MPHOSPH8: variants seen among roughly 807,000 people sequenced by gnomAD.
The protein encoded by MPHOSPH8 is M-phase phosphoprotein, mpp.
A neutral mutation model predicts 87.3 loss-of-function variants in MPHOSPH8; 45 were observed. The ratio of observed to expected loss-of-function variants is 0.52; its 90% CI spans 0.41 to 0.66. The LOEUF (loss-of-function observed/expected upper bound fraction) is 0.66. Ranked by LOEUF, MPHOSPH8 falls within the 30% of genes least tolerant of loss-of-function variation. MPHOSPH8 has a pLI of 0.00. For missense variants in MPHOSPH8, 883 were observed against 1,020.2 expected, an observed-to-expected ratio of 0.87 and a Z score of 1.83; for synonymous variants, 366 against 376.9, an observed-to-expected ratio of 0.97 and a Z score of 0.33.
intron 2 of MPHOSPH8, among the ~76,000 whole-genome samples, chr13:19,645,466 G>A (rs1874516869): frequency 6.6e-6 from 1 of 152,082 alleles, no homozygotes; most frequent in Admixed American, 6.5e-5. Context: ...GGCAGTGCAG[G>A]GAAGACATTT....
intron 12 of MPHOSPH8, chr13:19,670,704 C>T (rs1276512953): frequency 2.8e-6 from 3 of 1,066,468 alleles, no homozygotes; most frequent in Non-Finnish European, 3.6e-6. Flanking sequence ...GCAAAATTTG[C>T]TAGATATAGA....
Position 19,663,062 on chromosome 13 carries a change from T to C in MPHOSPH8, c.1955T>C (p.Ile652Thr), listed in dbSNP as rs1433129295. 16 of 1,613,700 alleles carry C rather than the reference T, an allele frequency of 9.9e-6. No individual in the cohort carries two copies. The Admixed American group carries it at 2.2e-4, about 22-fold the overall frequency. Residue 652 changes from isoleucine to threonine, a missense_variant, in exon 9 of 14, where the codon ATT becomes ACT. Ile to Thr is a moderately conservative substitution (Grantham distance 89, BLOSUM62 -1). Transcript: ENST00000361479. Reference sequence around the variant, plus strand: ...TAGAACTTTTTAACAACAGTGGCTATTCTTTTGGAAGCAGGAGCTTTTGTA... The same window carrying C: ...TAGAACTTTTTAACAACAGTGGCTACTCTTTTGGAAGCAGGAGCTTTTGTA... Reference protein sequence around the residue: ...AEKNFLTTVAILLEAGAFVNV... With the variant: ...AEKNFLTTVATLLEAGAFVNV...
At chr13:19,654,675 G>A (rs1875052085) in intron 5 of MPHOSPH8, among the ~76,000 whole-genome samples, 2 of 152,166 alleles carry the variant, frequency 1.3e-5, no homozygotes, top group East Asian at 1.9e-4. Flanking sequence ...AAGGCCGGGC[G>A]CAGTGGCTCA....
In MPHOSPH8 at chr13:19,672,057, A is replaced by G. The variant is rs1157463689; in HGVS notation, c.*182A>G. ...AGCTGTGTCTGTGCCAGTATGCCGG[A>G]ATCTCAGTGCAGTGTCCAGACTGCG... On this transcript the variant is annotated 3_prime_UTR_variant, in exon 14 of 14. Transcript: ENST00000361479. The G allele has an allele frequency of 6.4e-6, 4 of 622,894 alleles. No individual in the cohort carries two copies. In the African/African-American group the frequency reaches 7.3e-5, roughly 11 times the overall value. The allele number at this position is 622,894 out of a possible 1,614,324, so 38.6% of individuals were successfully genotyped here.
intron 1 of MPHOSPH8, 115 bp downstream of exon 1, chr13:19,634,076 G>A (rs1281460552): frequency 3.7e-5 from 40 of 1,068,930 alleles, no homozygotes; most frequent in Non-Finnish European, 4.7e-5. Context: ...AGGAATGTGA[G>A]AGTTCAATGC....
intron 5 of MPHOSPH8, among the ~76,000 whole-genome samples, chr13:19,658,755 T>C (rs1875345164): frequency 6.6e-6 from 1 of 152,204 alleles, no homozygotes. Flanking sequence ...TATTTTACAA[T>C]GACAGCTTAC....
intron 1 of MPHOSPH8, among the ~76,000 whole-genome samples, chr13:19,637,911 C>A (rs1310267201): frequency 1.3e-5 from 2 of 151,716 alleles, no homozygotes; most frequent in Non-Finnish European, 2.9e-5. Flanking sequence ...ACCATCCTGG[C>A]TAACATGGTG....
At chr13:19,650,806 T>TA (rs1874805460) in intron 5 of MPHOSPH8, among the ~76,000 whole-genome samples, 1 of 152,320 alleles carries the variant, frequency 6.6e-6, no homozygotes, top group African/African-American at 2.4e-5. Flanking sequence ...GTATAATTTG[T>TA]GAATCTTGAG....
At chr13:19,657,563 TC>T in intron 5 of MPHOSPH8, among the ~76,000 whole-genome samples, 1 of 150,546 alleles carries the variant, frequency 6.6e-6, no homozygotes, top group East Asian at 1.9e-4. Context: ...CAAGACTCCG[TC>T]TCAAAAAAAA....
At chr13:19,652,585 G>A (rs766844921) in intron 5 of MPHOSPH8, among the ~76,000 whole-genome samples, 27 of 152,212 alleles carry the variant, frequency 1.8e-4, no homozygotes, top group Non-Finnish European at 3.8e-4. Flanking sequence ...AGACAAAACC[G>A]TTCATTCCTC....
At chr13:19,652,397 C>A (rs776335354) in intron 5 of MPHOSPH8, among the ~76,000 whole-genome samples, 15 of 152,124 alleles carry the variant, frequency 9.9e-5, no homozygotes, top group Middle Eastern at 3.2e-3. Context: ...TGCACTCTGG[C>A]CCAGATACTG....
intron 5 of MPHOSPH8, among the ~76,000 whole-genome samples, chr13:19,657,544 G>A (rs1467691679): frequency 6.6e-6 from 1 of 151,830 alleles, no homozygotes; most frequent in African/African-American, 2.4e-5. Context: ...CTCCAGCCTG[G>A]GGACAGAGCA....
At chr13:19,641,512 C>G (rs1874291042) in intron 1 of MPHOSPH8, among the ~76,000 whole-genome samples, 1 of 96,102 alleles carries the variant, frequency 1.0e-5, no homozygotes, top group Non-Finnish European at 1.9e-5. Flanking sequence ...TTTTTTGAGA[C>G]AGAGTTTCAC....
chr13:19,661,250 CTAAATG>C lies in MPHOSPH8; in HGVS notation c.1792-446_1792-441del, dbSNP rs1384123765. 4.6e-5 allele frequency among the ~76,000 whole-genome samples: 7 copies of C among 152,280 alleles called. No individual in the cohort carries two copies. In the South Asian group the frequency reaches 8.3e-4, roughly 18 times the overall value. ...ATTTAGGTTTACACTATACTGTAGT[CTAAATG>C]TGAATAGCATTACATCTTTTAAAAA... is the stretch of plus-strand genomic sequence containing the variant. On this transcript the variant is annotated intron_variant, in intron 7 of 13. Transcript: ENST00000361479.
chr13:19,638,120 A>T (rs1294935501), intron 1 of MPHOSPH8, among the ~76,000 whole-genome samples: 1 of 151,554 alleles, frequency 6.6e-6, no homozygotes, highest in Non-Finnish European at 1.5e-5. Flanking sequence ...AAAAAGTTGT[A>T]TACAATAGTT....
chr13:19,650,070 T>C lies in MPHOSPH8; in HGVS notation c.1386T>C (p.Ser462=). Residue 462 remains serine (S), a synonymous_variant, in exon 5 of 14, where the codon TCT becomes TCC. Coordinates refer to ENST00000361479, the MANE Select transcript of MPHOSPH8 (RefSeq NM_017520.4). ...CTCCAGAAGAAAAAAATGATGTTTC[T>C]GAGAATAATCGGAAAAGGGAAGAAA... The part of the protein sequence containing the change: ...KLTPEEKNDV[S]ENNRKREEIP... The C allele has an allele frequency of 1.2e-6, 2 of 1,612,018 alleles. No homozygotes were observed. Among genetic ancestry groups the C allele is most frequent in the South Asian group, 2.2e-5 (2 of 90,696 alleles).
In MPHOSPH8 at chr13:19,672,967, G is replaced by C; in HGVS notation, c.*1092G>C. The C allele has an allele frequency of 2.5e-6, 1 of 400,502 alleles. No homozygotes were observed. The highest frequency in any genetic ancestry group is 4.8e-6 in the Non-Finnish European group (1 of 207,352). The allele number at this position is 400,502 out of a possible 1,614,324, so 24.8% of individuals were successfully genotyped here. On this transcript the variant is annotated 3_prime_UTR_variant, in exon 14 of 14. Transcript: ENST00000361479. ...GATACTCAGGAGGCTGAGGTGAAAG[G>C]ATTGCTTGAGCCAGGGAGGTCAAGG... is the stretch of plus-strand genomic sequence containing the variant.
chr13:19,661,158 G>C (rs1875506332), intron 7 of MPHOSPH8: 1 of 173,908 alleles, frequency 5.8e-6, no homozygotes, highest in South Asian at 1.9e-4. Context: ...AGATATTGTG[G>C]GTTTGGTTCC....
At position 19,647,008 on chromosome 13, in the gene MPHOSPH8, A is replaced by G; in HGVS notation, c.935A>G (p.Lys312Arg). The G allele has an allele frequency of 6.3e-7, 1 of 1,592,566 alleles. No individual in the cohort carries two copies. The change falls in exon 3 of 14, where the codon AAG (lysine) becomes AGG (arginine). Residue 312 changes from lysine to arginine, a missense_variant. Around this residue, in one of 3 missense-constraint regions of MPHOSPH8, gnomAD observed 741 missense variants for 841.5 expected, o/e 0.88. Coordinates refer to ENST00000361479, the MANE Select transcript of MPHOSPH8 (RefSeq NM_017520.4). ...ATGGGGCTGGAGCATGGCTTTGAGA[A>G]GCCCCTAGACAGTGCCATGAGTGCT... is the stretch of plus-strand genomic sequence containing the variant. ...QDMGLEHGFE[K>R]PLDSAMSAEE...
Sources: allele counts gnomAD v4.1 joint callset (sites outside exome capture counted in the v4.1 genomes callset), GRCh38; gene constraint gnomAD v4.1.1; regional missense constraint gnomAD v4.1.1; transcripts MANE v1.5; gene names NCBI Gene and HGNC (gene_info 2026-07-23, HGNC 2026-07-21).